Variants in CD2AP observed in about 807,000 individuals in gnomAD.
CD2AP encodes the protein CD2-associated protein.
A neutral mutation model predicts 85.1 loss-of-function variants in CD2AP; 46 were observed. The ratio of observed to expected loss-of-function variants is 0.54; its 90% CI spans 0.43 to 0.69. The LOEUF (loss-of-function observed/expected upper bound fraction) is 0.69. CD2AP is among the 30% of genes least tolerant of loss of function. CD2AP has a pLI of 0.00. For synonymous variants in CD2AP, 255 were observed against 252.9 expected, an observed-to-expected ratio of 1.01 and a Z score of -0.08; for missense variants, 769 against 729.5, an observed-to-expected ratio of 1.05 and a Z score of -0.62.
intron 11 of CD2AP, among the ~76,000 whole-genome samples, chr6:47,583,822 T>C (rs184493345): frequency 6.6e-6 from 1 of 152,334 alleles, no homozygotes; most frequent in Admixed American, 6.5e-5. Context: ...ATATTGAGTT[T>C]TGTAGGCGCA....
intron 4 of CD2AP, among the ~76,000 whole-genome samples, chr6:47,548,013 T>C (rs771562831): frequency 6.6e-6 from 1 of 152,144 alleles, no homozygotes; most frequent in Non-Finnish European, 1.5e-5. Context: ...ACCTCTGGGA[T>C]AGCAAAGGCA....
rs191928407 is a variant in CD2AP at position 47,527,311 on chromosome 6, T to C, written c.166-6291T>C. 1.2e-3 allele frequency among the ~76,000 whole-genome samples: 183 copies of C among 152,276 alleles called. 2 individuals are homozygous for C. Among genetic ancestry groups the C allele is most frequent in the African/African-American group, 4.2e-3 (175 of 41,550 alleles). On this transcript the variant is annotated intron_variant, in intron 2 of 17. Coordinates refer to ENST00000359314, the MANE Select transcript of CD2AP (RefSeq NM_012120.3). ...GGTCTGTCTCCCTTCCCACCTCCCA[T>C]GGATCAACTGAAAGTATAATGTTGA...
chr6:47,551,654 A>G (rs1217263985), intron 4 of CD2AP, among the ~76,000 whole-genome samples: 1 of 152,214 alleles, frequency 6.6e-6, no homozygotes, highest in African/African-American at 2.4e-5. Context: ...GGTGGCAAAG[A>G]ATAACGGTTG....
At chr6:47,512,293 G>A (rs1225430421) in intron 2 of CD2AP, among the ~76,000 whole-genome samples, 1 of 152,188 alleles carries the variant, frequency 6.6e-6, no homozygotes, top group African/African-American at 2.4e-5. Flanking sequence ...AGTGAGCCGA[G>A]ATCGCACCAC....
At chr6:47,525,480 T>C (rs1766696375) in intron 2 of CD2AP, among the ~76,000 whole-genome samples, 1 of 152,164 alleles carries the variant, frequency 6.6e-6, no homozygotes, top group African/African-American at 2.4e-5. Flanking sequence ...TTTATTATTC[T>C]TTGCGACCTT....
intron 2 of CD2AP, among the ~76,000 whole-genome samples, chr6:47,505,570 G>C (rs548766352): frequency 6.0e-3 from 782 of 130,110 alleles, no homozygotes; most frequent in Non-Finnish European, 7.6e-3. Context: ...GGTGGTGGCT[G>C]GGCAGAGGCG....
chr6:47,624,303 A>G lies in CD2AP; in HGVS notation c.*76A>G, dbSNP rs542743487. The G allele has an allele frequency of 9.0e-7, 1 of 1,112,108 alleles. No individual in the cohort carries two copies. The highest frequency in any genetic ancestry group is 1.3e-5 in the South Asian group (1 of 79,372). 68.9% of individuals were successfully genotyped at this position (1,112,108 alleles called of 1,614,324 possible). On this transcript the variant is annotated 3_prime_UTR_variant, in exon 18 of 18. Transcript: ENST00000359314. Reference sequence around the variant, plus strand: ...ATGAACTTCAGCTGACTTGTTACTTAAAAATTGTGAATTCTGTTGTTGTGA... The same window carrying G: ...ATGAACTTCAGCTGACTTGTTACTTGAAAATTGTGAATTCTGTTGTTGTGA...
intron 11 of CD2AP, among the ~76,000 whole-genome samples, chr6:47,590,573 A>G (rs1324584251): frequency 6.6e-6 from 1 of 152,140 alleles, no homozygotes; most frequent in Non-Finnish European, 1.5e-5. Flanking sequence ...GAGAATACAA[A>G]ACCGCATATG....
chr6:47,623,790 C>G (rs571460630), intron 17 of CD2AP, among the ~76,000 whole-genome samples: 1 of 152,042 alleles, frequency 6.6e-6, no homozygotes, highest in African/African-American at 2.4e-5. Flanking sequence ...AAACATGGAA[C>G]TAAACAGGTC....
intron 1 of CD2AP, among the ~76,000 whole-genome samples, chr6:47,493,243 G>A (rs1173838725): frequency 6.6e-6 from 1 of 151,386 alleles, no homozygotes; most frequent in Non-Finnish European, 1.5e-5. Flanking sequence ...CCTTTAACAT[G>A]TCTTTTGTGT....
At chr6:47,579,619 A>G (rs963025430) in intron 9 of CD2AP, 130 bp downstream of exon 9, 4 of 657,240 alleles carry the variant, frequency 6.1e-6, no homozygotes, top group East Asian at 2.7e-5. Context: ...CTATTCAGGT[A>G]GGAGTTATTT....
In CD2AP at chr6:47,599,427, G is replaced by A. The variant is rs1046638855; in HGVS notation, c.1401G>A (p.Arg467=). ...TAGACTTTGATTCACTTACAGTAAG[G>A]ACCTCCAAAGAAACAGGTAAGTCAG... ...KSVDFDSLTV[R]TSKETDVVNF... Residue 467 remains arginine (R), a synonymous_variant, in exon 13 of 18, where the codon AGG becomes AGA. Coordinates refer to ENST00000359314, the MANE Select transcript of CD2AP (RefSeq NM_012120.3). 6.2e-7 allele frequency: 1 copy of A among 1,612,136 alleles called. No individual in the cohort carries two copies. The highest frequency in any genetic ancestry group is 2.2e-5 in the East Asian group (1 of 44,688).
chr6:47,606,075 T>C (rs1228184284), intron 13 of CD2AP, 90 bp from the exon 14 acceptor site: 2 of 727,394 alleles, frequency 2.7e-6, no homozygotes, highest in African/African-American at 3.5e-5. Flanking sequence ...CTCTTTTTAA[T>C]TTATAGTTTG....
rs1009264147 is a variant in CD2AP, at chr6:47,626,847, T to C, written c.*2620T>C. ...AAATCAGAAATGAGAAGTATTATAA[T>C]GTAAAGGCCTTGTTTTGCTGTAGCA... is the stretch of plus-strand genomic sequence containing the variant. On this transcript the variant is annotated 3_prime_UTR_variant, in exon 18 of 18. Coordinates refer to ENST00000359314, the MANE Select transcript of CD2AP (RefSeq NM_012120.3). 4.6e-5 allele frequency: 7 copies of C among 152,614 alleles called. No homozygotes were observed. Among genetic ancestry groups the C allele is most frequent in the African/African-American group, 1.7e-4 (7 of 41,572 alleles). 9.5% of individuals were successfully genotyped at this position (152,614 alleles called of 1,614,324 possible).
intron 5 of CD2AP, among the ~76,000 whole-genome samples, chr6:47,559,533 T>C (rs1191187972): frequency 2.0e-5 from 3 of 152,056 alleles, no homozygotes; most frequent in Non-Finnish European, 4.4e-5. Flanking sequence ...GGATTACAGA[T>C]GTGAGCCACC....
chr6:47,535,115 A>G (rs183606600), intron 3 of CD2AP, among the ~76,000 whole-genome samples: 62 of 152,182 alleles, frequency 4.1e-4, no homozygotes, highest in African/African-American at 1.4e-3. Context: ...CATACTTATT[A>G]CTATGGTCAA....
intron 13 of CD2AP, among the ~76,000 whole-genome samples, chr6:47,600,960 A>G (rs2396825): frequency 0.27 from 40,208 of 151,726 alleles, 5,489 homozygotes; most frequent in African/African-American, 0.31. Flanking sequence ...CCCTTTGGGA[A>G]TTGAAGGAGT....
intron 11 of CD2AP, among the ~76,000 whole-genome samples, chr6:47,589,565 C>CACACACATATATAT (rs139814970): frequency 5.7e-4 from 69 of 120,994 alleles, no homozygotes; most frequent in African/African-American, 1.8e-3. Flanking sequence ...CACACACACA[C>CACACACATATATAT]ATATATATAT....
At chr6:47,602,129 CAT>C (rs1292236802) in intron 13 of CD2AP, among the ~76,000 whole-genome samples, 2 of 151,776 alleles carry the variant, frequency 1.3e-5, no homozygotes, top group African/African-American at 2.4e-5. Context: ...TTTATAAAGT[CAT>C]ATGTAAACGT....
Sources: gnomAD v4.1 joint callset for allele counts (sites outside exome capture counted in the v4.1 genomes callset) on GRCh38, gnomAD v4.1.1 for gene constraint, MANE v1.5 for transcripts, NCBI Gene and HGNC (gene_info 2026-07-23, HGNC 2026-07-21) for gene names.